PRLR: variants seen among roughly 807,000 people sequenced by gnomAD.
The protein encoded by PRLR is hPRL receptor.
In PRLR, 13 loss-of-function variants were observed where a neutral mutation model predicts 40.2. That is an observed-to-expected ratio of 0.32 (90% CI 0.21 to 0.51). The LOEUF is 0.51. Ranked by LOEUF, PRLR falls within the 20% of genes least tolerant of loss-of-function variation. The pLI, the probability that PRLR is intolerant of heterozygous loss-of-function variation, is 0.97. For missense variants in PRLR, 656 were observed against 747.3 expected, an observed-to-expected ratio of 0.88 and a Z score of 1.42; for synonymous variants, 269 against 278.7, an observed-to-expected ratio of 0.97 and a Z score of 0.35.
At chr5:35,197,348 T>C (rs2111592910) in intron 1 of PRLR, among the ~76,000 whole-genome samples, 1 of 152,298 alleles carries the variant, frequency 6.6e-6, no homozygotes, top group East Asian at 1.9e-4. Context: ...TTTTTCTTTC[T>C]CTGAATCTTA....
At chr5:35,128,166 G>A (rs1164108762) in intron 1 of PRLR, among the ~76,000 whole-genome samples, 1 of 151,690 alleles carries the variant, frequency 6.6e-6, no homozygotes, top group South Asian at 2.1e-4. Flanking sequence ...GTAAGTTGAG[G>A]AGCATCTGTA....
chr5:35,148,160 CTTT>C (rs1406334315), intron 1 of PRLR, among the ~76,000 whole-genome samples: 3 of 152,062 alleles, frequency 2.0e-5, no homozygotes. Flanking sequence ...TTCAAACTGT[CTTT>C]TAAAAAAATT....
chr5:35,173,949 A>T (rs1057310182), intron 1 of PRLR, among the ~76,000 whole-genome samples: 1 of 152,082 alleles, frequency 6.6e-6, no homozygotes, highest in Non-Finnish European at 1.5e-5. Context: ...CATCATTTAC[A>T]TTAGGTATAT....
At chr5:35,115,213 G>T (rs574293477) in intron 2 of PRLR, among the ~76,000 whole-genome samples, 3 of 152,262 alleles carry the variant, frequency 2.0e-5, no homozygotes, top group Admixed American at 2.0e-4. Flanking sequence ...GTATCAGACA[G>T]TACAGGTCTA....
At chr5:35,177,153 C>T (rs1775172064) in intron 1 of PRLR, among the ~76,000 whole-genome samples, 3 of 152,212 alleles carry the variant, frequency 2.0e-5, no homozygotes, top group South Asian at 4.1e-4. Context: ...ACCTCCCCCT[C>T]TTCGAGAAAC....
chr5:35,090,279 G>C (rs1169097407), intron 2 of PRLR, among the ~76,000 whole-genome samples: 1 of 151,714 alleles, frequency 6.6e-6, no homozygotes, highest in African/African-American at 2.4e-5. Context: ...ATAAACAAAA[G>C]GTAATAAATT....
intron 1 of PRLR, among the ~76,000 whole-genome samples, chr5:35,212,170 T>C (rs750944579): frequency 6.6e-6 from 1 of 152,230 alleles, no homozygotes; most frequent in East Asian, 1.9e-4. Flanking sequence ...AGGTATACAA[T>C]TGGCCAGGGC....
chr5:35,146,966 C>T (rs1774201094), intron 1 of PRLR, among the ~76,000 whole-genome samples: 1 of 152,150 alleles, frequency 6.6e-6, no homozygotes, highest in South Asian at 2.1e-4. Flanking sequence ...CACATACACA[C>T]ACACACATGC....
intron 1 of PRLR, among the ~76,000 whole-genome samples, chr5:35,131,959 G>A (rs1773697849): frequency 6.6e-6 from 1 of 152,150 alleles, no homozygotes; most frequent in African/African-American, 2.4e-5. Context: ...AGAAACCCTG[G>A]AGGACAAATG....
At chr5:35,164,006 A>C (rs1167644306) in intron 1 of PRLR, among the ~76,000 whole-genome samples, 2 of 152,248 alleles carry the variant, frequency 1.3e-5, no homozygotes, top group Non-Finnish European at 2.9e-5. Flanking sequence ...TATACTGAAA[A>C]CATGTGGCTG....
At chr5:35,209,570 T>C (rs565832428) in intron 1 of PRLR, among the ~76,000 whole-genome samples, 98 of 152,274 alleles carry the variant, frequency 6.4e-4, no homozygotes, top group African/African-American at 2.2e-3. Flanking sequence ...AAATACCAAG[T>C]AGATGTTAAT....
At chr5:35,099,078 A>C (rs1771702534) in intron 2 of PRLR, among the ~76,000 whole-genome samples, 1 of 152,238 alleles carries the variant, frequency 6.6e-6, no homozygotes, top group Non-Finnish European at 1.5e-5. Flanking sequence ...ATACATTCAT[A>C]GGAATAGTAA....
At chr5:35,188,469 G>A (rs1775509023) in intron 1 of PRLR, among the ~76,000 whole-genome samples, 1 of 152,208 alleles carries the variant, frequency 6.6e-6, no homozygotes. Context: ...CAGACATGGA[G>A]AAGTTTGCTT....
In PRLR at chr5:35,148,360, T is replaced by A. The variant is rs369026736; in HGVS notation, c.-105-30238A>T. Among the ~76,000 whole-genome samples the A allele has an allele frequency of 5.1e-3, 779 of 152,118 alleles. 5 individuals carry two copies. The highest frequency in any genetic ancestry group is 0.018 in the African/African-American group (728 of 41,504). ...GATTTTTGTGCCTGTGTGATGCCAA[T>A]AAAGGGGGTAGAAGATTCAGTTTCT... On this transcript the variant is annotated intron_variant, in intron 1 of 9. Transcript: ENST00000618457.
chr5:35,072,839 A>G, intron 5 of PRLR, 95 bp from the exon 6 acceptor site: 1 of 1,419,262 alleles, frequency 7.0e-7, no homozygotes. Flanking sequence ...TCTGTTTATC[A>G]TCTCACTCTT....
chr5:35,200,657 T>G (rs562647726), intron 1 of PRLR, among the ~76,000 whole-genome samples: 1 of 152,176 alleles, frequency 6.6e-6, no homozygotes, highest in Non-Finnish European at 1.5e-5. Flanking sequence ...TGGTATGAGG[T>G]GTCAGGACAC....
chr5:35,102,797 C>T (rs560537960), intron 2 of PRLR, among the ~76,000 whole-genome samples: 25 of 152,258 alleles, frequency 1.6e-4, no homozygotes, highest in Non-Finnish European at 3.2e-4. Flanking sequence ...CCTGCCTCGG[C>T]CTCCCAAAGT....
chr5:35,148,117 T>C (rs1291831669), intron 1 of PRLR, among the ~76,000 whole-genome samples: 2 of 152,132 alleles, frequency 1.3e-5, no homozygotes, highest in Non-Finnish European at 1.5e-5. Context: ...CTACCTTAAG[T>C]TGGATAATTT....
In PRLR at chr5:35,058,671, T is replaced by C. The variant is rs1768861604; in HGVS notation, c.*6418A>G. The C allele has an allele frequency of 6.6e-6, 1 of 152,238 alleles. No homozygotes were observed. Among genetic ancestry groups the C allele is most frequent in the Non-Finnish European group, 1.5e-5 (1 of 68,024 alleles). 9.4% of individuals were successfully genotyped at this position (152,238 alleles called of 1,614,324 possible). On this transcript the variant is annotated 3_prime_UTR_variant, in exon 10 of 10. Coordinates refer to ENST00000618457, the MANE Select transcript of PRLR (RefSeq NM_000949.7). Reference sequence around the variant, plus strand: ...CAATCATATTGAAACTACATATGGATAAATTGTAAGTTATTAAGTAATGAT... The same window carrying C: ...CAATCATATTGAAACTACATATGGACAAATTGTAAGTTATTAAGTAATGAT...
Sources: gnomAD v4.1 joint callset for allele counts (sites outside exome capture counted in the v4.1 genomes callset) on GRCh38, gnomAD v4.1.1 for gene constraint, MANE v1.5 for transcripts, NCBI Gene and HGNC (gene_info 2026-07-23, HGNC 2026-07-21) for gene names.